The following CFAP44 variants were observed in gnomAD, a reference collection of about 807,000 sequenced individuals.
CFAP44 encodes cilia- and flagella-associated protein 44.
Under a neutral mutation model 216.2 loss-of-function variants are expected in CFAP44, and 134 were observed. The ratio of observed to expected loss-of-function variants is 0.62; its 90% CI spans 0.54 to 0.72. The LOEUF is 0.72. Ranked by LOEUF, CFAP44 falls within the 30% of genes least tolerant of loss-of-function variation. The pLI is 0.00. For missense variants in CFAP44, 2,035 were observed against 2,182.1 expected (o/e 0.93, Z 1.34); for synonymous variants, 700 against 727.6 (o/e 0.96, Z 0.61).
chr3:113,370,500 C>T (rs7618598), intron 18 of CFAP44, among the ~76,000 whole-genome samples: 12,339 of 152,114 alleles, frequency 0.081, 600 homozygotes, highest in East Asian at 0.15. Context: ...TCTCAATAGA[C>T]GCAGAAAAGG....
chr3:113,382,820 G>C (rs1933549800), intron 15 of CFAP44, among the ~76,000 whole-genome samples: 1 of 152,198 alleles, frequency 6.6e-6, no homozygotes, highest in Admixed American at 6.5e-5. Flanking sequence ...CTGCCTGAGG[G>C]CTCCTGGTTT....
At chr3:113,339,612 C>T (rs1415597554) in intron 24 of CFAP44, among the ~76,000 whole-genome samples, 1 of 152,190 alleles carries the variant, frequency 6.6e-6, no homozygotes, top group Non-Finnish European at 1.5e-5. Flanking sequence ...GGAATTGGTC[C>T]TGCTTTACAT....
chr3:113,398,430 TTTTAA>T (rs1261370288), intron 13 of CFAP44, among the ~76,000 whole-genome samples: 1 of 152,168 alleles, frequency 6.6e-6, no homozygotes. Context: ...AGAAGGGACA[TTTTAA>T]TTGTAGCTTA....
chr3:113,429,498 A>G (rs1310317095), intron 2 of CFAP44, among the ~76,000 whole-genome samples: 3 of 151,930 alleles, frequency 2.0e-5, no homozygotes, highest in African/African-American at 7.3e-5. Context: ...CTTTCAACCT[A>G]TTTGTATCAT....
intron 23 of CFAP44, among the ~76,000 whole-genome samples, chr3:113,343,104 T>G (rs1461188379): frequency 1.4e-5 from 2 of 139,388 alleles, no homozygotes; most frequent in Non-Finnish European, 3.1e-5. Context: ...CTTTGTCACC[T>G]AGGCTAGAGT....
chr3:113,306,085 T>G (rs1311485995), intron 30 of CFAP44, 116 bp downstream of exon 30: 26 of 1,290,664 alleles, frequency 2.0e-5, no homozygotes, highest in African/African-American at 3.1e-5. Flanking sequence ...CCTTAACATT[T>G]GAAATGTTTC....
chr3:113,386,758 C>T (rs749740208), intron 15 of CFAP44, among the ~76,000 whole-genome samples: 3 of 152,118 alleles, frequency 2.0e-5, no homozygotes, highest in Non-Finnish European at 4.4e-5. Flanking sequence ...TGAGTGATGA[C>T]AATACTTGGT....
At chr3:113,405,021 A>T (rs1934240494) in intron 8 of CFAP44, among the ~76,000 whole-genome samples, 1 of 152,226 alleles carries the variant, frequency 6.6e-6, no homozygotes, top group South Asian at 2.1e-4. Flanking sequence ...ATACAAAGGA[A>T]TTTGACTTAA....
At chr3:113,294,272 G>C (rs1949858981) in intron 34 of CFAP44, 2 of 264,096 alleles carry the variant, frequency 7.6e-6, no homozygotes, top group East Asian at 1.1e-4. Context: ...CCCACACAAA[G>C]TGACAAGCAT....
At chr3:113,300,751 G>T (rs920485978) in intron 32 of CFAP44, among the ~76,000 whole-genome samples, 5 of 152,116 alleles carry the variant, frequency 3.3e-5, no homozygotes, top group Admixed American at 1.3e-4. Context: ...TATAAAATGT[G>T]CTTAACCTTA....
intron 33 of CFAP44, among the ~76,000 whole-genome samples, chr3:113,296,069 G>A (rs1258541915): frequency 2.0e-5 from 3 of 152,122 alleles, no homozygotes. Flanking sequence ...CCCCGCTGCT[G>A]GAGTCCCCAG....
chr3:113,299,280 G>A (rs1949912422), intron 32 of CFAP44, among the ~76,000 whole-genome samples: 1 of 152,112 alleles, frequency 6.6e-6, no homozygotes, highest in Admixed American at 6.6e-5. Flanking sequence ...CTTAAAAGAA[G>A]ACATACAAAT....
At chr3:113,361,967 C>A (rs1305673994) in intron 21 of CFAP44, among the ~76,000 whole-genome samples, 1 of 151,660 alleles carries the variant, frequency 6.6e-6, no homozygotes, top group Non-Finnish European at 1.5e-5. Context: ...AGATTAAATG[C>A]CTACATTTCT....
intron 28 of CFAP44, among the ~76,000 whole-genome samples, chr3:113,317,172 C>T (rs759180075): frequency 7.9e-5 from 12 of 152,208 alleles, no homozygotes; most frequent in Non-Finnish European, 1.6e-4. Flanking sequence ...CTCTGGAATC[C>T]TGGCTATAGG....
Position 113,420,120 on chromosome 3 carries a change from A to G in CFAP44, c.467T>C (p.Ile156Thr). ...TTGGTTCCCAGCTATGTATATGGCG[A>G]TACTGTCGTCCAGAAGTTGTAGGTT... ...RANLQLLDDSIAIYIAGNQLI... is the reference protein window; with the variant it reads ...RANLQLLDDSTAIYIAGNQLI... The change falls in exon 5 of 35, where the codon ATC becomes ACC. Residue 156 changes from isoleucine to threonine, a missense_variant. This residue lies in a region of CFAP44 where 1,883 missense variants were observed against 2,023.7 expected (regional missense o/e 0.93). Coordinates refer to ENST00000393845, the MANE Select transcript of CFAP44 (RefSeq NM_001164496.2). 6.2e-7 allele frequency: 1 copy of G among 1,613,960 alleles called. No homozygotes were observed. Among genetic ancestry groups the G allele is most frequent in the Non-Finnish European group, 8.5e-7 (1 of 1,179,892 alleles).
At chr3:113,368,644 T>G (rs1350795943) in intron 18 of CFAP44, among the ~76,000 whole-genome samples, 1 of 152,106 alleles carries the variant, frequency 6.6e-6, no homozygotes, top group Admixed American at 6.6e-5. Flanking sequence ...ACATTCCAAA[T>G]TGTAAAGAAC....
chr3:113,404,838 C>G (rs1168718753), intron 8 of CFAP44, among the ~76,000 whole-genome samples: 1 of 152,148 alleles, frequency 6.6e-6, no homozygotes, highest in Non-Finnish European at 1.5e-5. Context: ...CCCAAAACTA[C>G]CCAGTCAGCA....
At chr3:113,333,948 AATTAAACTTTTTT>A (rs1950261021) in intron 24 of CFAP44, among the ~76,000 whole-genome samples, 1 of 152,024 alleles carries the variant, frequency 6.6e-6, no homozygotes, top group African/African-American at 2.4e-5. Context: ...CTAAAAAGTC[AATTAAACTTTTTT>A]TTTTTTTTTT....
At chr3:113,408,017 C>G (rs1934335617) in intron 7 of CFAP44, among the ~76,000 whole-genome samples, 1 of 152,092 alleles carries the variant, frequency 6.6e-6, no homozygotes, top group Non-Finnish European at 1.5e-5. Context: ...AAAATTTTCA[C>G]ATATAGCTAG....
Sources: gnomAD v4.1 joint callset for allele counts (sites outside exome capture counted in the v4.1 genomes callset) on GRCh38, gnomAD v4.1.1 for gene constraint, gnomAD v4.1.1 regional missense constraint, MANE v1.5 for transcripts, NCBI Gene and HGNC (gene_info 2026-07-23, HGNC 2026-07-21) for gene names.